Variants in C6orf141 observed in about 807,000 individuals in gnomAD.
C6orf141 encodes chromosome 6 open reading frame 141, also known as uncharacterized protein C6orf141.
For synonymous variants in C6orf141, 164 were observed against 140.5 expected, an observed-to-expected ratio of 1.17 and a Z score of -1.18; for missense variants, 361 against 335.8, an observed-to-expected ratio of 1.07 and a Z score of -0.59.
chr6:49,558,808 C>T (rs578214038), intron 4 of C6orf141, among the ~76,000 whole-genome samples: 235 of 151,878 alleles, frequency 1.5e-3, no homozygotes, highest in African/African-American at 5.2e-3. Context: ...CCTGGGTCCA[C>T]GTGATTCTCC....
downstream of C6orf141, among the ~76,000 whole-genome samples, chr6:49,554,530 G>A (rs568732405): frequency 4.8e-5 from 6 of 124,554 alleles, no homozygotes; most frequent in East Asian, 2.5e-4. Flanking sequence ...ACATGCGCCC[G>A]CCACCATGCC....
chr6:49,553,750 TG>T (rs1471066898), downstream of C6orf141, among the ~76,000 whole-genome samples: 1 of 147,656 alleles, frequency 6.8e-6, no homozygotes, highest in Non-Finnish European at 1.5e-5. Context: ...ATTTGTTAAG[TG>T]GGGACAATAA....
chr6:49,559,177 T>TGG, intron 4 of C6orf141, among the ~76,000 whole-genome samples: 1 of 336 alleles, frequency 3.0e-3, no homozygotes, highest in African/African-American at 9.4e-3. Context: ...TATATATATA[T>TGG]ATATATATAT....
In C6orf141 at chr6:49,552,012, G is replaced by C. The variant is rs545277406; in HGVS notation, c.*485G>C. 4 of 908,680 alleles carry C rather than the reference G, an allele frequency of 4.4e-6. No individual in the cohort carries two copies. In the South Asian group the frequency reaches 1.5e-4, roughly 35 times the overall value. The allele number at this position is 908,680 out of a possible 1,614,324, so 56.3% of individuals were successfully genotyped here. A position where few individuals can be genotyped will look rare whatever the true frequency, so the allele number is the denominator to read the frequency against. Reference sequence around the variant, plus strand: ...TGGGAAAGTAAAACCAAAGCAGCAAGTGACTCTCTTCTGATGTGCACTTTT... The same window carrying C: ...TGGGAAAGTAAAACCAAAGCAGCAACTGACTCTCTTCTGATGTGCACTTTT... On this transcript the variant is annotated 3_prime_UTR_variant, in exon 1 of 1. Coordinates refer to ENST00000529246, the MANE Select transcript of C6orf141 (RefSeq NM_001145652.2).
At chr6:49,551,330 C>CGCAA in exon 1 of C6orf141, 1 of 1,551,666 alleles carries the variant, frequency 6.4e-7, no homozygotes, top group Non-Finnish European at 8.7e-7. Context: ...GGCCAAGGGT[C>CGCAA]GCATGACCAC....
downstream of C6orf141, among the ~76,000 whole-genome samples, chr6:49,554,513 TG>T (rs1771382706): frequency 1.3e-5 from 2 of 151,244 alleles, 1 homozygote; most frequent in South Asian, 4.2e-4. Context: ...CCTGAGTAGC[TG>T]GGACTACATG....
rs1770243173 is a variant in C6orf141 at position 49,550,802 on chromosome 6, C to G, written c.10C>G (p.Pro4Ala). The change falls in exon 1 of 1, where the codon CCT becomes GCT. Residue 4 changes from proline to alanine, a missense_variant. By Grantham distance (27) the Pro-to-Ala change is conservative (BLOSUM62 -1). Coordinates refer to ENST00000529246, the MANE Select transcript of C6orf141 (RefSeq NM_001145652.2). MND[P>A]FARMETRGPQ... ...GTCAAAGAAGGAACGAATGAATGAC[C>G]CTTTTGCCAGGATGGAGACCCGGGG... 2 of 1,462,658 alleles carry G rather than the reference C, an allele frequency of 1.4e-6. No homozygotes were observed. Among genetic ancestry groups the G allele is most frequent in the South Asian group, 1.5e-5 (1 of 68,116 alleles). The allele number at this position is 1,462,658 out of a possible 1,614,324, so 90.6% of individuals were successfully genotyped here. A position where few individuals can be genotyped will look rare whatever the true frequency, so the allele number is the denominator to read the frequency against.
At chr6:49,552,219 AAAT>A (rs1446757459), downstream of C6orf141, 7 of 152,404 alleles carry the variant, frequency 4.6e-5, no homozygotes, top group African/African-American at 1.7e-4. Context: ...TTAATATTAA[AAAT>A]ACTGCATGTA....
At chr6:49,556,805 A>G (rs965949511), downstream of C6orf141, among the ~76,000 whole-genome samples, 1 of 152,262 alleles carries the variant, frequency 6.6e-6, no homozygotes, top group Non-Finnish European at 1.5e-5. Flanking sequence ...TTACTTCTCT[A>G]GATGAAGATA....
chr6:49,557,387 T>C (rs1049684465), intron 4 of C6orf141, among the ~76,000 whole-genome samples: 1 of 152,218 alleles, frequency 6.6e-6, no homozygotes, highest in African/African-American at 2.4e-5. Context: ...ACATCATTTG[T>C]GCTTGGCAGG....
intron 4 of C6orf141, among the ~76,000 whole-genome samples, chr6:49,558,942 C>T (rs1581910511): frequency 2.6e-5 from 4 of 151,470 alleles, no homozygotes; most frequent in Admixed American, 2.0e-4. Context: ...CTCCTGAACT[C>T]GTGATCCACC....
Position 49,551,065 on chromosome 6 carries a change from T to C in C6orf141, c.273T>C (p.Phe91=). The change falls in exon 1 of 1, where the codon TTT becomes TTC. Residue 91 remains phenylalanine, a synonymous_variant. Coordinates refer to ENST00000529246, the MANE Select transcript of C6orf141 (RefSeq NM_001145652.2). The part of the protein sequence containing the change: ...RESWVREKVL[F]LLHPERWLGT... Reference sequence around the variant, plus strand: ...CCTGGGTCAGAGAGAAAGTGCTCTTTCTCCTGCACCCAGAGAGGTGGTTAG... The same window carrying C: ...CCTGGGTCAGAGAGAAAGTGCTCTTCCTCCTGCACCCAGAGAGGTGGTTAG... 6.4e-7 allele frequency: 1 copy of C among 1,551,312 alleles called. No homozygotes were observed. The highest frequency in any genetic ancestry group is 1.4e-5 in the African/African-American group (1 of 73,070).
chr6:49,559,163 T>A (rs1176616868), intron 4 of C6orf141, among the ~76,000 whole-genome samples: 4 of 105,702 alleles, frequency 3.8e-5, no homozygotes, highest in South Asian at 3.2e-4. Context: ...CTGGTCATTG[T>A]CCATATATAT....
intron 4 of C6orf141, among the ~76,000 whole-genome samples, chr6:49,557,411 G>A (rs1276856444): frequency 6.6e-6 from 1 of 152,152 alleles, no homozygotes; most frequent in African/African-American, 2.4e-5. Context: ...GCGAAGGCAG[G>A]TAGGGCAATA....
At chr6:49,559,932 TC>T in intron 4 of C6orf141, among the ~76,000 whole-genome samples, 1 of 152,218 alleles carries the variant, frequency 6.6e-6, no homozygotes, top group East Asian at 1.9e-4. Context: ...TATCCCAGGC[TC>T]CTGAGGTTAT....
intron 4 of C6orf141, among the ~76,000 whole-genome samples, chr6:49,557,647 T>C (rs7742891): frequency 0.93 from 141,057 of 152,148 alleles, 65,940 homozygotes; most frequent in East Asian, 1. Flanking sequence ...GTGTAATCAC[T>C]GAAAACAAAC....
Position 49,551,679 on chromosome 6 carries a change from A to G in C6orf141, c.*152A>G. On this transcript the variant is annotated 3_prime_UTR_variant, in exon 1 of 1. Coordinates refer to ENST00000529246, the MANE Select transcript of C6orf141 (RefSeq NM_001145652.2). ...TCGGGGAGGCAGATTAAGAACTGTA[A>G]GCAGCATAATACCTCCTTTGTGGCT... The G allele has an allele frequency of 2.1e-6, 3 of 1,461,016 alleles. No individual in the cohort carries two copies. In the South Asian group the frequency reaches 4.5e-5, roughly 22 times the overall value. 90.5% of individuals were successfully genotyped at this position (1,461,016 alleles called of 1,614,324 possible).
At chr6:49,554,270 C>T (rs566268691), downstream of C6orf141, among the ~76,000 whole-genome samples, 172 of 152,160 alleles carry the variant, frequency 1.1e-3, no homozygotes, top group Non-Finnish European at 1.8e-3. Context: ...AAATCTGATG[C>T]CCTGTTGTCT....
downstream of C6orf141, among the ~76,000 whole-genome samples, chr6:49,553,604 T>A (rs1268030379): frequency 6.6e-6 from 1 of 152,190 alleles, no homozygotes; most frequent in African/African-American, 2.4e-5. Context: ...CCAAAAATGG[T>A]AAGTAGCATC....
Sources: gnomAD v4.1 joint callset for allele counts (sites outside exome capture counted in the v4.1 genomes callset) on GRCh38, gnomAD v4.1.1 for gene constraint, MANE v1.5 for transcripts, NCBI Gene and HGNC (gene_info 2026-07-23, HGNC 2026-07-21) for gene names.